GLIS3: variants seen among roughly 807,000 people sequenced by gnomAD.
The protein encoded by GLIS3 is GLIS family zinc finger 3.
In GLIS3, 53 loss-of-function variants were observed where a neutral mutation model predicts 78.6. The observed-to-expected ratio is 0.67, with a 90% CI of 0.54 to 0.85. The LOEUF (loss-of-function observed/expected upper bound fraction) is 0.85, where lower values mean the gene tolerates loss of function less well. GLIS3 is among the 40% of genes least tolerant of loss of function. The pLI is 0.00. For missense variants in GLIS3, 1,703 were observed against 1,231.1 expected, an observed-to-expected ratio of 1.38 and a Z score of -5.74; for synonymous variants, 684 against 509.9, an observed-to-expected ratio of 1.34 and a Z score of -4.60.
chr9:4,104,574 C>T lies in GLIS3; in HGVS notation c.1710+13194G>A, dbSNP rs576361620. Among the ~76,000 whole-genome samples the T allele has an allele frequency of 1.9e-4, 29 of 152,236 alleles. No individual in the cohort carries two copies. The East Asian group carries it at 5.4e-3, about 28-fold the overall frequency. On this transcript the variant is annotated intron_variant, in intron 4 of 10. Coordinates refer to ENST00000381971, the MANE Select transcript of GLIS3 (RefSeq NM_001042413.2). ...AAACATAAGTCAGACCCTATCACTC[C>T]TCTACTCAAAAGCATCCTTTCAGTG...
At chr9:4,165,397 T>C (rs1391563435) in intron 2 of GLIS3, among the ~76,000 whole-genome samples, 2 of 152,138 alleles carry the variant, frequency 1.3e-5, no homozygotes. Context: ...GCCGAGACCA[T>C]GCCATTGCAC....
chr9:4,023,569 T>C (rs925259295), intron 4 of GLIS3, among the ~76,000 whole-genome samples: 1 of 152,114 alleles, frequency 6.6e-6, no homozygotes, highest in Non-Finnish European at 1.5e-5. Context: ...TTAAGAGACG[T>C]GTTAGATTTT....
intron 5 of GLIS3, 26 bp downstream of exon 5, chr9:3,937,002 A>T (rs1227969891): frequency 3.7e-6 from 6 of 1,612,046 alleles, no homozygotes; most frequent in Non-Finnish European, 5.1e-6. Flanking sequence ...CTGGGTTGGA[A>T]ACTGGAAAGC....
intron 4 of GLIS3, among the ~76,000 whole-genome samples, chr9:4,103,017 A>G (rs993835063): frequency 5.3e-5 from 8 of 152,174 alleles, no homozygotes; most frequent in South Asian, 2.1e-4. Flanking sequence ...TGGACATGAC[A>G]TAACACTCCA....
intron 2 of GLIS3, among the ~76,000 whole-genome samples, chr9:4,174,750 T>A (rs1656812898): frequency 6.6e-6 from 1 of 152,216 alleles, no homozygotes; most frequent in African/African-American, 2.4e-5. Flanking sequence ...TGTGTGCCAA[T>A]CTCATATTCA....
chr9:4,087,855 TA>T (rs1464470370), intron 4 of GLIS3, among the ~76,000 whole-genome samples: 1 of 152,174 alleles, frequency 6.6e-6, no homozygotes, highest in Non-Finnish European at 1.5e-5. Flanking sequence ...CACAAGGAAT[TA>T]TTCTCTTTGG....
chr9:4,426,204 C>T, the GLIS3 span, among the ~76,000 whole-genome samples: 1 of 152,132 alleles, frequency 6.6e-6, no homozygotes, highest in Non-Finnish European at 1.5e-5. Flanking sequence ...GGGATAAATG[C>T]CCCACTACTG....
chr9:4,237,059 G>A, intron 2 of GLIS3, among the ~76,000 whole-genome samples: 2 of 151,862 alleles, frequency 1.3e-5, no homozygotes, highest in Non-Finnish European at 2.9e-5. Flanking sequence ...TCACAGAAAT[G>A]TTTTAGAAAG....
intron 4 of GLIS3, among the ~76,000 whole-genome samples, chr9:3,945,118 G>A (rs188985945): frequency 6.6e-6 from 1 of 152,108 alleles, no homozygotes; most frequent in Non-Finnish European, 1.5e-5. Context: ...CTGACACATG[G>A]GGGGACCAAA....
Position 4,082,264 on chromosome 9 carries a change from T to A in GLIS3, c.1710+35504A>T, listed in dbSNP as rs537325168. On this transcript the variant is annotated intron_variant, in intron 4 of 10. Transcript: ENST00000381971. The stretch of plus-strand genomic sequence containing the variant: ...TAACATTTTACTGTATATAACTATG[T>A]GTGGTAGAAGAAAAACTTCTACATC... Among the ~76,000 whole-genome samples the A allele has an allele frequency of 3.9e-5, 6 of 152,314 alleles. No individual in the cohort carries two copies. In the South Asian group the frequency reaches 8.3e-4, roughly 21 times the overall value.
chr9:4,371,981 T>C, the GLIS3 span, among the ~76,000 whole-genome samples: 1 of 152,216 alleles, frequency 6.6e-6, no homozygotes, highest in African/African-American at 2.4e-5. Flanking sequence ...CCTGGGTTTT[T>C]GTCAGCCCCC....
intron 2 of GLIS3, among the ~76,000 whole-genome samples, chr9:4,181,807 C>T (rs1284817859): frequency 1.3e-5 from 2 of 152,164 alleles, no homozygotes; most frequent in Admixed American, 6.6e-5. Flanking sequence ...GGCTAGCATC[C>T]TTGAGACTGA....
chr9:4,319,398 G>A (rs1442003768), intron 2 of GLIS3, among the ~76,000 whole-genome samples: 1 of 152,126 alleles, frequency 6.6e-6, no homozygotes, highest in African/African-American at 2.4e-5. Context: ...TCTGGGTGAA[G>A]GTACATGGAA....
chr9:3,935,784 T>C (rs1373416222), intron 5 of GLIS3, among the ~76,000 whole-genome samples: 1 of 152,156 alleles, frequency 6.6e-6, no homozygotes, highest in Non-Finnish European at 1.5e-5. Flanking sequence ...TCATTTAGTG[T>C]TCCATTTTAT....
chr9:3,911,635 A>C (rs1249551735), intron 6 of GLIS3, among the ~76,000 whole-genome samples: 2 of 152,186 alleles, frequency 1.3e-5, no homozygotes, highest in African/African-American at 4.8e-5. Flanking sequence ...CGTGGAGTTG[A>C]ATTTTTGTAT....
intron 2 of GLIS3, among the ~76,000 whole-genome samples, chr9:4,195,465 C>A (rs1025844079): frequency 4.6e-5 from 7 of 152,200 alleles, no homozygotes; most frequent in Admixed American, 1.3e-4. Context: ...GAGGGGATGC[C>A]GGGTCCCCCA....
chr9:4,230,337 C>T (rs79408382), intron 2 of GLIS3, among the ~76,000 whole-genome samples: 1 of 152,170 alleles, frequency 6.6e-6, no homozygotes, highest in Non-Finnish European at 1.5e-5. Flanking sequence ...CAACAGAGAA[C>T]TGGACTTGCG....
chr9:4,132,274 A>G (rs991974514), intron 2 of GLIS3, among the ~76,000 whole-genome samples: 1 of 151,998 alleles, frequency 6.6e-6, no homozygotes, highest in Non-Finnish European at 1.5e-5. Flanking sequence ...CATACATTCT[A>G]GCCAAAATCA....
At chr9:4,129,924 A>C (rs2130930725) in intron 2 of GLIS3, among the ~76,000 whole-genome samples, 1 of 152,330 alleles carries the variant, frequency 6.6e-6, no homozygotes, top group Non-Finnish European at 1.5e-5. Flanking sequence ...TGACAGTGAT[A>C]TGGACAGTGA....
Sources: allele counts gnomAD v4.1 joint callset (sites outside exome capture counted in the v4.1 genomes callset), GRCh38; gene constraint gnomAD v4.1.1; transcripts MANE v1.5; gene names NCBI Gene and HGNC (gene_info 2026-07-23, HGNC 2026-07-21).